The following DACH2 variants were observed in gnomAD, a reference collection of about 807,000 sequenced individuals.
DACH2 encodes the protein dachshund family transcription factor 2, also known as dachshund homolog 2.
DACH2 carries 17 observed loss-of-function variants against 35.8 expected under a neutral mutation model. The observed-to-expected ratio is 0.48, with a 90% CI of 0.33 to 0.71. The LOEUF is 0.71. DACH2 is among the 30% of genes least tolerant of loss of function. The pLI is 0.02. For synonymous variants in DACH2, 195 were observed against 177.3 expected (o/e 1.10, Z -0.79); for missense variants, 469 against 472.7 (o/e 0.99, Z 0.07).
Position 86,383,934 on chromosome X carries a change from G to A in DACH2, c.527+7072G>A, listed in dbSNP as rs184780008. 5.9e-3 allele frequency among the ~76,000 whole-genome samples: 655 copies of A among 111,057 alleles called. 4 individuals carry two copies. Among genetic ancestry groups the A allele is most frequent in the Middle Eastern group, 9.1e-3 (2 of 219 alleles). On this transcript the variant is annotated intron_variant, in intron 2 of 11. Coordinates refer to ENST00000373125, the MANE Select transcript of DACH2 (RefSeq NM_053281.3). Reference sequence around the variant, plus strand: ...TTGCATGTACATTTAATAATGCAAAGGTGTCTCAGGCTGTGTGTTTCTTTA... The same window carrying A: ...TTGCATGTACATTTAATAATGCAAAAGTGTCTCAGGCTGTGTGTTTCTTTA...
At chrX:86,678,882 T>C (rs2040849065) in intron 4 of DACH2, among the ~76,000 whole-genome samples, 1 of 111,910 alleles carries the variant, frequency 8.9e-6, no homozygotes, top group Non-Finnish European at 1.9e-5. Flanking sequence ...TTCAATTGCA[T>C]GAACACAAAT....
chrX:86,469,475 A>G (rs1258579606), intron 2 of DACH2, among the ~76,000 whole-genome samples: 1 of 111,195 alleles, frequency 9.0e-6, no homozygotes, highest in Non-Finnish European at 1.9e-5. Context: ...TTTACTTATC[A>G]AATTCTACAA....
intron 1 of DACH2, among the ~76,000 whole-genome samples, chrX:86,336,515 G>A (rs986580727): frequency 9.0e-5 from 10 of 111,543 alleles, no homozygotes; most frequent in Admixed American, 2.9e-4. Flanking sequence ...GACTGTTAGA[G>A]GGAAAACTAA....
intron 1 of DACH2, among the ~76,000 whole-genome samples, chrX:86,280,561 A>G (rs1174130100): frequency 8.9e-6 from 1 of 112,094 alleles, no homozygotes; most frequent in African/African-American, 3.2e-5. Flanking sequence ...GGCAAAAACC[A>G]GGTAGCATCA....
At chrX:86,672,677 G>A (rs2040778185) in intron 4 of DACH2, among the ~76,000 whole-genome samples, 2 of 112,060 alleles carry the variant, frequency 1.8e-5, no homozygotes, top group Non-Finnish European at 3.8e-5. Context: ...AGATTTCAGA[G>A]GATGTATGGA....
At chrX:86,731,293 G>A (rs944724377) in intron 6 of DACH2, among the ~76,000 whole-genome samples, 1 of 111,162 alleles carries the variant, frequency 9.0e-6, no homozygotes, top group Non-Finnish European at 1.9e-5. Flanking sequence ...CAGATTTCAG[G>A]TTACCAACAG....
At chrX:86,398,521 G>A (rs1468220613) in intron 2 of DACH2, among the ~76,000 whole-genome samples, 1 of 111,581 alleles carries the variant, frequency 9.0e-6, no homozygotes, top group Non-Finnish European at 1.9e-5. Context: ...TCTCCTGTGG[G>A]CATTTAATGC....
At chrX:86,297,732 T>A (rs1476765156) in intron 1 of DACH2, among the ~76,000 whole-genome samples, 1 of 112,222 alleles carries the variant, frequency 8.9e-6, no homozygotes, top group Non-Finnish European at 1.9e-5. Flanking sequence ...GTACAATCTC[T>A]GGATAAAGGA....
intron 2 of DACH2, among the ~76,000 whole-genome samples, chrX:86,423,445 C>A (rs2036839240): frequency 9.0e-6 from 1 of 110,580 alleles, no homozygotes; most frequent in African/African-American, 3.3e-5. Flanking sequence ...TTTTCATATG[C>A]CTGTTTGCCC....
chrX:86,706,752 CA>C (rs1235913021), intron 5 of DACH2, among the ~76,000 whole-genome samples: 1 of 108,520 alleles, frequency 9.2e-6, no homozygotes, highest in African/African-American at 3.3e-5. Flanking sequence ...CCACACAAGT[CA>C]AAAAAGAACC....
intron 1 of DACH2, among the ~76,000 whole-genome samples, chrX:86,271,883 G>A (rs1241485353): frequency 1.8e-5 from 2 of 111,043 alleles, no homozygotes; most frequent in African/African-American, 6.5e-5. Context: ...TTTGTTATAT[G>A]CATAGATTGT....
At chrX:86,668,988 T>A (rs1396388247) in intron 4 of DACH2, among the ~76,000 whole-genome samples, 1 of 111,673 alleles carries the variant, frequency 9.0e-6, no homozygotes, top group Admixed American at 9.6e-5. Context: ...TAAATAAAAA[T>A]TTTATATTCA....
At chrX:86,572,149 G>T (rs2039379360) in intron 3 of DACH2, among the ~76,000 whole-genome samples, 1 of 110,938 alleles carries the variant, frequency 9.0e-6, no homozygotes, top group Non-Finnish European at 1.9e-5. Context: ...TGTAAATTAT[G>T]AGTTAATGGG....
At chrX:86,656,871 A>ATATATG (rs1375549664) in intron 4 of DACH2, among the ~76,000 whole-genome samples, 6 of 97,538 alleles carry the variant, frequency 6.2e-5, no homozygotes, top group African/African-American at 3.8e-5. Context: ...ATATATATAT[A>ATATATG]TATATATATA....
chrX:86,254,600 T>A (rs2033464275), intron 1 of DACH2, among the ~76,000 whole-genome samples: 1 of 105,931 alleles, frequency 9.4e-6, no homozygotes, highest in African/African-American at 3.4e-5. Context: ...TGTTAGTAAT[T>A]CAACCATCTC....
At chrX:86,648,948 A>AT (rs1347391328) in intron 3 of DACH2, among the ~76,000 whole-genome samples, 27 of 107,502 alleles carry the variant, frequency 2.5e-4, no homozygotes, top group African/African-American at 6.0e-4. Flanking sequence ...TCCTTTAGAG[A>AT]TTTTTTTTTT....
rs185992077 is a variant in DACH2, at chrX:86,417,070, T to C, written c.527+40208T>C. ...GATCATGCCACTGCACTCCAGCCTG[T>C]TCAACAGAGACTCCATCTCAAAAAA... On this transcript the variant is annotated intron_variant, in intron 2 of 11. Transcript: ENST00000373125. 1.8e-3 allele frequency among the ~76,000 whole-genome samples: 144 copies of C among 78,106 alleles called. 1 individual carries two copies. Among genetic ancestry groups the C allele is most frequent in the African/African-American group, 7.8e-3 (142 of 18,096 alleles). 67.8% of individuals were successfully genotyped at this position (78,106 alleles called of 115,157 possible).
intron 3 of DACH2, among the ~76,000 whole-genome samples, chrX:86,599,329 CTCTT>C (rs892458493): frequency 6.3e-5 from 7 of 110,526 alleles, no homozygotes; most frequent in East Asian, 2.9e-4. Context: ...TTCTTTCTTT[CTCTT>C]TCTTTCTTTT....
At chrX:86,471,357 C>T (rs2037758217) in intron 2 of DACH2, among the ~76,000 whole-genome samples, 1 of 111,164 alleles carries the variant, frequency 9.0e-6, no homozygotes, top group Non-Finnish European at 1.9e-5. Flanking sequence ...TGATATATAG[C>T]TTGTAAAACA....
Sources: gnomAD v4.1 joint callset for allele counts (sites outside exome capture counted in the v4.1 genomes callset) on GRCh38, gnomAD v4.1.1 for gene constraint, MANE v1.5 for transcripts, NCBI Gene and HGNC (gene_info 2026-07-23, HGNC 2026-07-21) for gene names.